TTC1: variants seen among roughly 807,000 people sequenced by gnomAD.
The protein encoded by TTC1 is tetratricopeptide repeat protein 1.
In TTC1, 31 loss-of-function variants were observed where a neutral mutation model predicts 37.6. The ratio of observed to expected loss-of-function variants is 0.82; its 90% confidence interval spans 0.62 to 1.11. TTC1 has a LOEUF of 1.11. Among genes scored for constraint, TTC1 ranks in the 50% most tolerant of loss-of-function variants. The probability of loss-of-function intolerance (pLI) is 0.00; values close to 1 mark genes in which losing one functional copy is unlikely to be tolerated. For missense variants in TTC1, 351 were observed against 339.0 expected (o/e 1.04, Z -0.28); for synonymous variants, 127 against 122.4 (o/e 1.04, Z -0.25).
chr5:160,012,277 A>G (rs1241664954), intron 2 of TTC1, among the ~76,000 whole-genome samples: 1 of 152,192 alleles, frequency 6.6e-6, no homozygotes, highest in Non-Finnish European at 1.5e-5. Flanking sequence ...AAGGTGTCAC[A>G]AAGTCTGATC....
chr5:160,014,145 G>A (rs1756555381), intron 2 of TTC1, among the ~76,000 whole-genome samples: 1 of 152,102 alleles, frequency 6.6e-6, no homozygotes, highest in Non-Finnish European at 1.5e-5. Context: ...CTAAGGTCAG[G>A]AGTTCGACCC....
Position 160,010,641 on chromosome 5 carries a change from A to C in TTC1, c.113A>C (p.Asn38Thr). The change falls in exon 2 of 8, where the codon AAT (asparagine) becomes ACT (threonine). Residue 38 changes from asparagine (N) to threonine (T), a missense_variant. Transcript: ENST00000231238. ...GGCCCTCCAGTTCCTGATCCCAAAAATCAGCATTCCCAGAGTAAGCTGCTC... is the reference window on the plus strand; with the variant it reads ...GGCCCTCCAGTTCCTGATCCCAAAACTCAGCATTCCCAGAGTAAGCTGCTC... Reference protein sequence around the residue: ...CAGPPVPDPKNQHSQSKLLRD... With the variant: ...CAGPPVPDPKTQHSQSKLLRD... The C allele has an allele frequency of 6.2e-7, 1 of 1,614,114 alleles. No individual in the cohort carries two copies. Among genetic ancestry groups the C allele is most frequent in the Non-Finnish European group, 8.5e-7 (1 of 1,179,990 alleles).
At chr5:160,010,953 G>C in intron 2 of TTC1, 95 bp downstream of exon 2, 1 of 1,197,900 alleles carries the variant, frequency 8.3e-7, no homozygotes, top group Non-Finnish European at 1.2e-6. Flanking sequence ...CTGTGGTAAA[G>C]AATAACTTGC....
chr5:160,046,736 G>A (rs902144615), intron 5 of TTC1, among the ~76,000 whole-genome samples: 4 of 152,266 alleles, frequency 2.6e-5, no homozygotes, highest in African/African-American at 4.8e-5. Context: ...GCAACAGGCC[G>A]GGCACAGTGG....
At chr5:160,045,487 C>T (rs756211683) in intron 5 of TTC1, among the ~76,000 whole-genome samples, 5,674 of 121,462 alleles carry the variant, frequency 0.047, 369 homozygotes, top group Admixed American at 0.1. Context: ...CACACACACA[C>T]ACACACACAC....
intron 4 of TTC1, among the ~76,000 whole-genome samples, chr5:160,040,668 T>A (rs1350466768): frequency 1.3e-5 from 2 of 152,122 alleles, no homozygotes; most frequent in African/African-American, 4.8e-5. Flanking sequence ...AGCCTTGAAC[T>A]CCTGGACTCA....
At chr5:160,019,580 CTTTTTTTTTT>C (rs201420281) in intron 2 of TTC1, among the ~76,000 whole-genome samples, 4 of 108,708 alleles carry the variant, frequency 3.7e-5, no homozygotes, top group Non-Finnish European at 7.3e-5. Context: ...TTCTTTCATT[CTTTTTTTTTT>C]TTTTTTTTTT....
At chr5:160,044,803 T>A (rs891574250) in intron 5 of TTC1, among the ~76,000 whole-genome samples, 1 of 152,188 alleles carries the variant, frequency 6.6e-6, no homozygotes, top group African/African-American at 2.4e-5. Context: ...GCCCAGTAGG[T>A]CTCAGCCTTA....
intron 2 of TTC1, among the ~76,000 whole-genome samples, chr5:160,028,944 G>C (rs370233861): frequency 6.6e-6 from 1 of 152,090 alleles, no homozygotes; most frequent in Non-Finnish European, 1.5e-5. Context: ...ACAGAAACAA[G>C]TTAACATAAC....
intron 3 of TTC1, 96 bp downstream of exon 3, chr5:160,035,296 C>G (rs779949837): frequency 9.5e-7 from 1 of 1,047,334 alleles, no homozygotes; most frequent in Non-Finnish European, 1.3e-6. Flanking sequence ...TGAAGAAACC[C>G]CAAAACCAGA....
chr5:160,028,298 CAAAA>C (rs61408395), intron 2 of TTC1, among the ~76,000 whole-genome samples: 3 of 79,702 alleles, frequency 3.8e-5, no homozygotes, highest in Non-Finnish European at 5.2e-5. Flanking sequence ...GACTCCGTCT[CAAAA>C]AAAAAAAAAA....
chr5:160,020,631 T>C (rs555641350), intron 2 of TTC1, among the ~76,000 whole-genome samples: 1 of 152,346 alleles, frequency 6.6e-6, no homozygotes, highest in South Asian at 2.1e-4. Context: ...GTCATATCCA[T>C]GGTAGCATTA....
chr5:160,011,004 A>T, intron 2 of TTC1, 146 bp downstream of exon 2: 1 of 777,008 alleles, frequency 1.3e-6, no homozygotes, highest in Non-Finnish European at 2.0e-6. Flanking sequence ...TGGATCTGAG[A>T]TAAATCGGTG....
chr5:160,035,982 G>A (rs1233015758), intron 3 of TTC1, among the ~76,000 whole-genome samples: 4 of 147,216 alleles, frequency 2.7e-5, no homozygotes, highest in East Asian at 2.0e-4. Flanking sequence ...TCTTGGTTTA[G>A]TAATCATTAA....
intron 7 of TTC1, among the ~76,000 whole-genome samples, chr5:160,061,430 A>T (rs1199514367): frequency 6.6e-6 from 1 of 152,156 alleles, no homozygotes; most frequent in African/African-American, 2.4e-5. Context: ...TCAAATTCTA[A>T]GCTTGTTTTG....
chr5:160,053,305 A>C (rs1757452086), intron 7 of TTC1, among the ~76,000 whole-genome samples: 1 of 152,198 alleles, frequency 6.6e-6, no homozygotes. Flanking sequence ...TAAATTGGGT[A>C]GTGTGGGCTG....
At chr5:160,051,232 G>C in intron 7 of TTC1, 49 bp downstream of exon 7, 2 of 1,494,896 alleles carry the variant, frequency 1.3e-6, no homozygotes, top group Non-Finnish European at 1.8e-6. Context: ...AGGAACCTAG[G>C]GTGGGGACAT....
At chr5:160,042,687 C>G (rs530879992) in intron 4 of TTC1, among the ~76,000 whole-genome samples, 1 of 152,208 alleles carries the variant, frequency 6.6e-6, no homozygotes, top group Non-Finnish European at 1.5e-5. Flanking sequence ...ACAAGCCACA[C>G]TGTGTGTCTG....
chr5:160,054,299 TCA>T (rs1450515560), intron 7 of TTC1, among the ~76,000 whole-genome samples: 3 of 152,234 alleles, frequency 2.0e-5, no homozygotes, highest in Admixed American at 1.3e-4. Context: ...TGGAATGATT[TCA>T]CAGTTTTCTT....
Sources: gnomAD v4.1 joint callset for allele counts (sites outside exome capture counted in the v4.1 genomes callset) on GRCh38, gnomAD v4.1.1 for gene constraint, MANE v1.5 for transcripts, NCBI Gene and HGNC (gene_info 2026-07-23, HGNC 2026-07-21) for gene names.